Variants in MRPS27 observed in about 807,000 individuals in gnomAD.
MRPS27 encodes small ribosomal subunit protein mS27.
MRPS27 carries 43 observed loss-of-function variants against 48.9 expected under a neutral mutation model. That is an observed-to-expected ratio of 0.88 (90% CI 0.69 to 1.13). The LOEUF is 1.13. Ranked by LOEUF, MRPS27 falls within the 50% of genes most tolerant of loss-of-function variation. The pLI is 0.00. For missense variants in MRPS27, 467 were observed against 476.3 expected (o/e 0.98, Z 0.18); for synonymous variants, 188 against 171.9 (o/e 1.09, Z -0.73).
At chr5:72,229,872 T>C (rs1469346120) in intron 7 of MRPS27, among the ~76,000 whole-genome samples, 1 of 152,052 alleles carries the variant, frequency 6.6e-6, no homozygotes, top group African/African-American at 2.4e-5. Context: ...TTCCAAGCCT[T>C]TAGTTTCTTT....
chr5:72,297,435 T>C (rs918820911), intron 3 of MRPS27, among the ~76,000 whole-genome samples, 197 bp downstream of exon 3: 10 of 152,208 alleles, frequency 6.6e-5, no homozygotes, highest in African/African-American at 2.2e-4. Context: ...ATCTGGTAAA[T>C]GTATTAACTT....
At chr5:72,263,900 T>C (rs186633912) in intron 4 of MRPS27, among the ~76,000 whole-genome samples, 3 of 152,248 alleles carry the variant, frequency 2.0e-5, no homozygotes, top group Admixed American at 2.0e-4. Flanking sequence ...CCTAGGTAGA[T>C]ACCCAAAAGA....
intron 4 of MRPS27, among the ~76,000 whole-genome samples, chr5:72,264,047 A>C (rs1749047187): frequency 6.6e-6 from 1 of 152,244 alleles, no homozygotes; most frequent in East Asian, 1.9e-4. Flanking sequence ...CATACAAAGG[A>C]ATATTATTCC....
intron 2 of MRPS27, among the ~76,000 whole-genome samples, chr5:72,310,185 AT>A (rs941286446): frequency 3.9e-5 from 6 of 152,024 alleles, no homozygotes; most frequent in Non-Finnish European, 8.8e-5. Context: ...ATGTGCATTC[AT>A]TTTTTTTCCA....
At position 72,242,427 on chromosome 5, in the gene MRPS27, T is replaced by TG. The variant is rs1253877171; in HGVS notation, c.282-4300dup. Among the ~76,000 whole-genome samples the TG allele has an allele frequency of 3.5e-4, 22 of 62,578 alleles. No individual in the cohort carries two copies. The South Asian group carries it at 4.3e-3, about 12-fold the overall frequency. 41.1% of individuals were successfully genotyped at this position (62,578 alleles called of 152,430 possible). On this transcript the variant is annotated intron_variant, in intron 4 of 10. Transcript: ENST00000261413. ...GAGGTTATATAAAAGAGATCAAGAG[T>TG]GAAAAAAAAAAAAAAAACACCACAG...
chr5:72,288,269 ATGATCTCGGCT>A (rs1252470815), intron 4 of MRPS27, among the ~76,000 whole-genome samples: 2 of 150,296 alleles, frequency 1.3e-5, no homozygotes, highest in Admixed American at 6.6e-5. Context: ...GTGCAATGGC[ATGATCTCGGCT>A]CACTGCAAGC....
intron 4 of MRPS27, among the ~76,000 whole-genome samples, chr5:72,277,237 A>G (rs1325098908): frequency 6.6e-6 from 1 of 152,210 alleles, no homozygotes; most frequent in Non-Finnish European, 1.5e-5. Context: ...GTCTGAGGAG[A>G]GATAGGAACG....
At chr5:72,287,007 C>T (rs976905538) in intron 4 of MRPS27, among the ~76,000 whole-genome samples, 9 of 152,086 alleles carry the variant, frequency 5.9e-5, no homozygotes, top group African/African-American at 1.7e-4. Context: ...AGGAACTGGG[C>T]GGCACAGTAG....
At chr5:72,317,257 GAAT>G (rs1425775246) in intron 1 of MRPS27, among the ~76,000 whole-genome samples, 1 of 152,120 alleles carries the variant, frequency 6.6e-6, no homozygotes, top group African/African-American at 2.4e-5. Flanking sequence ...ATCTTTACTA[GAAT>G]AATATATCTA....
intron 9 of MRPS27, among the ~76,000 whole-genome samples, chr5:72,225,779 A>ATTTT (rs35100305): frequency 6.8e-6 from 1 of 146,030 alleles, no homozygotes; most frequent in African/African-American, 2.5e-5. Context: ...TCCCACTGAG[A>ATTTT]TTTTTTTTTT....
At chr5:72,257,809 G>A (rs1748848854) in intron 4 of MRPS27, among the ~76,000 whole-genome samples, 1 of 152,190 alleles carries the variant, frequency 6.6e-6, no homozygotes, top group African/African-American at 2.4e-5. Flanking sequence ...TGGAGGCTGG[G>A]TGCGATGGCT....
intron 2 of MRPS27, among the ~76,000 whole-genome samples, chr5:72,301,972 G>C (rs188220074): frequency 1.6e-4 from 24 of 152,310 alleles, no homozygotes; most frequent in African/African-American, 5.5e-4. Context: ...CCCAGGTTTT[G>C]TTCAAAGAGA....
chr5:72,313,515 G>A (rs1411011430), intron 2 of MRPS27, among the ~76,000 whole-genome samples: 1 of 152,126 alleles, frequency 6.6e-6, no homozygotes, highest in Admixed American at 6.5e-5. Flanking sequence ...TTTCTTTTGG[G>A]GCTTGGTATT....
At chr5:72,230,984 C>A (rs56320323) in intron 7 of MRPS27, among the ~76,000 whole-genome samples, 30 of 152,084 alleles carry the variant, frequency 2.0e-4, no homozygotes, top group Non-Finnish European at 4.4e-4. Context: ...GGTAGTCTCT[C>A]GGATGGTCTG....
chr5:72,230,217 GACACT>G (rs1748017439), intron 7 of MRPS27, among the ~76,000 whole-genome samples: 1 of 152,098 alleles, frequency 6.6e-6, no homozygotes, highest in South Asian at 2.1e-4. Context: ...TTCTATTGTA[GACACT>G]ATAATGGACT....
At chr5:72,246,431 T>C (rs1268100407) in intron 4 of MRPS27, among the ~76,000 whole-genome samples, 1 of 152,156 alleles carries the variant, frequency 6.6e-6, no homozygotes, top group Non-Finnish European at 1.5e-5. Flanking sequence ...GATTCTTTAA[T>C]GCAAGTTGAG....
intron 3 of MRPS27, 114 bp from the exon 4 acceptor site, chr5:72,295,703 C>CG: frequency 1.4e-6 from 1 of 738,080 alleles, no homozygotes; most frequent in Admixed American, 2.3e-5. Context: ...TTTATTGGAA[C>CG]GATGGTGATG....
chr5:72,293,957 G>GGGCC (rs1238109685), intron 4 of MRPS27, among the ~76,000 whole-genome samples: 1 of 152,118 alleles, frequency 6.6e-6, no homozygotes, highest in Non-Finnish European at 1.5e-5. Flanking sequence ...AAGGAAGGCA[G>GGGCC]GGCCACCTCT....
At chr5:72,270,193 C>CAATAATAATAATAAT (rs66874536) in intron 4 of MRPS27, among the ~76,000 whole-genome samples, 23 of 140,328 alleles carry the variant, frequency 1.6e-4, no homozygotes, top group African/African-American at 5.3e-4. Flanking sequence ...AACTCCATCT[C>CAATAATAATAATAAT]AATAATAATA....
Sources: gnomAD v4.1 joint callset for allele counts (sites outside exome capture counted in the v4.1 genomes callset) on GRCh38, gnomAD v4.1.1 for gene constraint, MANE v1.5 for transcripts, NCBI Gene and HGNC (gene_info 2026-07-23, HGNC 2026-07-21) for gene names.